The following IL23R variants were observed in gnomAD, a reference collection of about 807,000 sequenced individuals.
The protein encoded by IL23R is interleukin 23 receptor, also known as interleukin-23 receptor.
IL23R carries 34 observed loss-of-function variants against 56.9 expected under a neutral mutation model. That is an observed-to-expected ratio of 0.60 (90% CI 0.45 to 0.80). The LOEUF (loss-of-function observed/expected upper bound fraction) is 0.80, where lower values mean the gene tolerates loss of function less well. Among genes scored for constraint, IL23R ranks in the 30% least tolerant of loss-of-function variants. The pLI, the probability that IL23R is intolerant of heterozygous loss-of-function variation, is 0.00. For synonymous variants in IL23R, 230 were observed against 249.2 expected (o/e 0.92, Z 0.73); for missense variants, 635 against 730.0 (o/e 0.87, Z 1.50).
At chr1:67,237,950 A>G (rs1303533988) in intron 8 of IL23R, among the ~76,000 whole-genome samples, 1 of 152,214 alleles carries the variant, frequency 6.6e-6, no homozygotes, top group Non-Finnish European at 1.5e-5. Flanking sequence ...GAAAACAATG[A>G]GCAAAGCCCC....
At chr1:67,176,220 G>T (rs1033804943) in intron 3 of IL23R, among the ~76,000 whole-genome samples, 3 of 152,094 alleles carry the variant, frequency 2.0e-5, no homozygotes, top group African/African-American at 7.2e-5. Context: ...AAAGTGTTTA[G>T]CTGTTAAGAA....
chr1:67,184,316 T>C (rs1359569615), intron 4 of IL23R, among the ~76,000 whole-genome samples: 2 of 151,550 alleles, frequency 1.3e-5, no homozygotes, highest in Non-Finnish European at 2.9e-5. Flanking sequence ...GAGGCTGAGG[T>C]GGGTGCATCA....
At chr1:67,156,430 G>A (rs1409308105) in intron 1 of IL23R, among the ~76,000 whole-genome samples, 1 of 152,214 alleles carries the variant, frequency 6.6e-6, no homozygotes, top group Admixed American at 6.5e-5. Context: ...CCCTCCAGGT[G>A]TTCTGTCCCA....
At chr1:67,207,130 C>A in intron 6 of IL23R, 75 bp downstream of exon 6, 3 of 1,362,620 alleles carry the variant, frequency 2.2e-6, no homozygotes, top group Non-Finnish European at 3.1e-6. Context: ...CTACAGTGGA[C>A]TTATTATGTC....
Position 67,200,786 on chromosome 1 carries a change from A to G in IL23R, c.541A>G (p.Ile181Val). The change falls in exon 5 of 11, where the codon ATC (isoleucine) becomes GTC (valine). Residue 181 changes from isoleucine to valine, a missense_variant. Physicochemically the swap from Ile to Val is conservative, Grantham distance 29. Coordinates refer to ENST00000347310, the MANE Select transcript of IL23R (RefSeq NM_144701.3). ...GTATCTCACCTCAAGCTATATTAAC[A>G]TCTCCACTGATTCATTACAAGGTGG... ...QQYLTSSYIN[I>V]STDSLQGGKK... The G allele has an allele frequency of 6.2e-7, 1 of 1,614,082 alleles. No homozygotes were observed. Among genetic ancestry groups the G allele is most frequent in the Non-Finnish European group, 8.5e-7 (1 of 1,180,004 alleles).
At chr1:67,254,182 C>A (rs953873816) in intron 9 of IL23R, among the ~76,000 whole-genome samples, 71 of 152,078 alleles carry the variant, frequency 4.7e-4, no homozygotes, top group African/African-American at 1.6e-3. Context: ...GATTCTCATG[C>A]CTCAGCCTCC....
intron 3 of IL23R, among the ~76,000 whole-genome samples, chr1:67,180,234 T>G (rs1647104547): frequency 1.3e-5 from 2 of 152,306 alleles, no homozygotes; most frequent in Non-Finnish European, 1.5e-5. Context: ...AGTCTCCCAT[T>G]ATTATTGTGT....
chr1:67,168,949 C>T (rs1333305309), intron 2 of IL23R, among the ~76,000 whole-genome samples: 1 of 151,940 alleles, frequency 6.6e-6, no homozygotes, highest in Non-Finnish European at 1.5e-5. Context: ...CACCTGAGGT[C>T]AGGAGTTCAA....
intron 9 of IL23R, among the ~76,000 whole-genome samples, chr1:67,242,395 C>G (rs1323187672): frequency 6.6e-6 from 1 of 152,140 alleles, no homozygotes; most frequent in Non-Finnish European, 1.5e-5. Context: ...ATAACAGACC[C>G]CCTTTTCACT....
chr1:67,240,194 T>C lies in IL23R; in HGVS notation c.1061T>C (p.Ile354Thr), dbSNP rs754093485. 87 of 1,608,954 alleles carry C rather than the reference T, an allele frequency of 5.4e-5. No homozygotes were observed. The highest frequency in any genetic ancestry group is 7.7e-5 in the South Asian group (7 of 91,002). ...CTTTCATTAGACAACAGAGGAGACA[T>C]TGGACTTTTATTGGGAATGATCGTC... is the stretch of plus-strand genomic sequence containing the variant. ...GHLTSDNRGD[I>T]GLLLGMIVFA... The change falls in exon 9 of 11, where the codon ATT becomes ACT. Residue 354 changes from isoleucine (I) to threonine (T), a missense_variant. Ile to Thr is a moderately conservative substitution (Grantham distance 89). Coordinates refer to ENST00000347310, the MANE Select transcript of IL23R (RefSeq NM_144701.3).
At chr1:67,162,631 G>A (rs1646832724), upstream of IL23R, among the ~76,000 whole-genome samples, 1 of 152,156 alleles carries the variant, frequency 6.6e-6, no homozygotes, top group Admixed American at 6.5e-5. Context: ...ATATTTTAGT[G>A]AGCTTCACAT....
upstream of IL23R, among the ~76,000 whole-genome samples, chr1:67,162,236 C>G (rs1313103755): frequency 6.6e-6 from 1 of 151,714 alleles, no homozygotes; most frequent in African/African-American, 2.4e-5. Flanking sequence ...GAGGCCGAGG[C>G]AGACGGATCA....
At chr1:67,238,076 G>A (rs1282260602) in intron 8 of IL23R, among the ~76,000 whole-genome samples, 1 of 152,128 alleles carries the variant, frequency 6.6e-6, no homozygotes, top group Non-Finnish European at 1.5e-5. Context: ...GGTAGGCATG[G>A]TGGCTCACAT....
chr1:67,215,783 A>G (rs1649793894), intron 6 of IL23R, among the ~76,000 whole-genome samples: 1 of 152,192 alleles, frequency 6.6e-6, no homozygotes, highest in African/African-American at 2.4e-5. Context: ...AGCATTTGAC[A>G]CTGTTGACCA....
At chr1:67,244,787 C>G (rs1199816498) in intron 9 of IL23R, among the ~76,000 whole-genome samples, 1 of 152,098 alleles carries the variant, frequency 6.6e-6, no homozygotes, top group Admixed American at 6.6e-5. Context: ...ATTGTCTTGG[C>G]TATGTGGGCT....
At chr1:67,211,572 A>T (rs1366581763) in intron 6 of IL23R, among the ~76,000 whole-genome samples, 1 of 152,108 alleles carries the variant, frequency 6.6e-6, no homozygotes, top group African/African-American at 2.4e-5. Context: ...GCAATGAGCC[A>T]AGATGGAGCC....
chr1:67,229,267 C>A (rs1650940106), intron 7 of IL23R, among the ~76,000 whole-genome samples: 1 of 152,126 alleles, frequency 6.6e-6, no homozygotes, highest in African/African-American at 2.4e-5. Flanking sequence ...CCCCACAGAA[C>A]TTGGGAAAAC....
At chr1:67,148,613 T>A (rs969385532) in intron 1 of IL23R, among the ~76,000 whole-genome samples, 17 of 152,226 alleles carry the variant, frequency 1.1e-4, no homozygotes, top group Admixed American at 6.5e-5. Flanking sequence ...GGAATCCAGC[T>A]AGTCCTGTCT....
chr1:67,191,247 T>C (rs1017569586), intron 4 of IL23R, among the ~76,000 whole-genome samples: 2 of 152,220 alleles, frequency 1.3e-5, no homozygotes, highest in Non-Finnish European at 2.9e-5. Context: ...TTCCTCACTC[T>C]CTATTGAAGA....
Sources: allele counts gnomAD v4.1 joint callset (sites outside exome capture counted in the v4.1 genomes callset), GRCh38; gene constraint gnomAD v4.1.1; transcripts MANE v1.5; gene names NCBI Gene and HGNC (gene_info 2026-07-23, HGNC 2026-07-21).